The following NFIL3 variants were observed in gnomAD, a reference collection of about 807,000 sequenced individuals.
NFIL3 encodes nuclear factor interleukin-3-regulated protein.
NFIL3 carries 5 observed loss-of-function variants against 10.0 expected under a neutral mutation model. The observed-to-expected ratio is 0.50, with a 90% CI of 0.26 to 1.06. NFIL3 has a LOEUF of 1.06. Among genes scored for constraint, NFIL3 ranks in the 50% least tolerant of loss-of-function variants. NFIL3 has a pLI of 0.13. For synonymous variants in NFIL3, 202 were observed against 206.5 expected (o/e 0.98, Z 0.19); for missense variants, 436 against 547.6 (o/e 0.80, Z 2.03).
the NFIL3 span, among the ~76,000 whole-genome samples, chr9:91,429,598 T>C: frequency 6.6e-6 from 1 of 151,876 alleles, no homozygotes; most frequent in Non-Finnish European, 1.5e-5. Context: ...GTGAATGCTC[T>C]CCGTTTGGTA....
the NFIL3 span, among the ~76,000 whole-genome samples, chr9:91,469,251 T>C: frequency 6.6e-6 from 1 of 152,342 alleles, no homozygotes; most frequent in Non-Finnish European, 1.5e-5. Context: ...TTCATGTCCC[T>C]TGTAAGTTGG....
At chr9:91,463,231 T>G in the NFIL3 span, among the ~76,000 whole-genome samples, 1 of 151,762 alleles carries the variant, frequency 6.6e-6, no homozygotes. Flanking sequence ...CAGTTTGCTC[T>G]AGGCTTAAAT....
chr9:91,458,728 G>T, the NFIL3 span, among the ~76,000 whole-genome samples: 1 of 151,964 alleles, frequency 6.6e-6, no homozygotes, highest in African/African-American at 2.4e-5. Flanking sequence ...ATTTAATGTT[G>T]TTCTATCAAA....
chr9:91,429,434 C>T, the NFIL3 span, among the ~76,000 whole-genome samples: 2 of 152,186 alleles, frequency 1.3e-5, no homozygotes, highest in Non-Finnish European at 2.9e-5. Flanking sequence ...TGCAGCAAAG[C>T]AGCTATGGCA....
the NFIL3 span, among the ~76,000 whole-genome samples, chr9:91,455,133 A>G: frequency 6.6e-6 from 1 of 152,196 alleles, no homozygotes; most frequent in Non-Finnish European, 1.5e-5. Context: ...TCATTTGGGT[A>G]AGGTAGTATC....
At chr9:91,448,461 C>G in the NFIL3 span, among the ~76,000 whole-genome samples, 1 of 152,256 alleles carries the variant, frequency 6.6e-6, no homozygotes, top group East Asian at 1.9e-4. Context: ...GGAACTAATC[C>G]AATCCTGTGA....
At chr9:91,412,117 A>C (rs1833563694) in intron 1 of NFIL3, among the ~76,000 whole-genome samples, 1 of 150,510 alleles carries the variant, frequency 6.6e-6, no homozygotes, top group Non-Finnish European at 1.5e-5. Context: ...AAAAAAAAAA[A>C]AAAAAACCCC....
intron 1 of NFIL3, among the ~76,000 whole-genome samples, chr9:91,420,392 G>C (rs908418370): frequency 1.4e-4 from 19 of 133,528 alleles, no homozygotes; most frequent in African/African-American, 4.7e-4. Flanking sequence ...CACACACACA[G>C]ATTCTGGTTC....
chr9:91,481,053 T>A, the NFIL3 span, among the ~76,000 whole-genome samples: 1 of 152,212 alleles, frequency 6.6e-6, no homozygotes, highest in African/African-American at 2.4e-5. Flanking sequence ...TTGGTTAGTT[T>A]AAAATATTTC....
the NFIL3 span, among the ~76,000 whole-genome samples, chr9:91,468,476 A>G: frequency 6.6e-6 from 1 of 152,140 alleles, no homozygotes; most frequent in African/African-American, 2.4e-5. Context: ...ATTTTCTCCC[A>G]TTCTGTAGGT....
chr9:91,433,230 A>G, the NFIL3 span, among the ~76,000 whole-genome samples: 1 of 152,242 alleles, frequency 6.6e-6, no homozygotes, highest in African/African-American at 2.4e-5. Context: ...TATGGGAATC[A>G]TTTGTAATAG....
upstream of NFIL3, among the ~76,000 whole-genome samples, chr9:91,428,771 C>T (rs1044452274): frequency 1.3e-5 from 2 of 152,190 alleles, no homozygotes; most frequent in African/African-American, 4.8e-5. Context: ...GTTGCAAGTA[C>T]ACTATTACAA....
Position 91,410,633 on chromosome 9 carries a change from T to G in NFIL3, c.102A>C (p.Glu34Asp), listed in dbSNP as rs1165490017. The G allele has an allele frequency of 6.2e-7, 1 of 1,614,244 alleles. No individual in the cohort carries two copies. The highest frequency in any genetic ancestry group is 8.5e-7 in the Non-Finnish European group (1 of 1,180,046). The change falls in exon 2 of 2, where the codon GAA becomes GAC. Residue 34 changes from glutamate to aspartate, a missense_variant. Coordinates refer to ENST00000297689, the MANE Select transcript of NFIL3 (RefSeq NM_005384.3). The surrounding 1 kb of genome is among the most constrained non-coding windows in gnomAD (Gnocchi z 5.7). The stretch of plus-strand genomic sequence containing the variant: ...CACCTGTTGTGGAGTCTTCTGACAC[T>G]TCCGTTAAAGCAGAATTAAGGACCA... ...KMMVLNSALT[E>D]VSEDSTTGEE...
chr9:91,436,581 A>C, the NFIL3 span, among the ~76,000 whole-genome samples: 1 of 99,614 alleles, frequency 1.0e-5, no homozygotes, highest in Non-Finnish European at 2.1e-5. Flanking sequence ...CTGCCTCAAC[A>C]ACAACAACAA....
chr9:91,418,984 G>A (rs1833709951), intron 1 of NFIL3, among the ~76,000 whole-genome samples: 1 of 151,898 alleles, frequency 6.6e-6, no homozygotes, highest in African/African-American at 2.4e-5. Flanking sequence ...AAAGGTCAAC[G>A]TCTTTCAACA....
chr9:91,447,350 G>T, the NFIL3 span, among the ~76,000 whole-genome samples: 2 of 152,178 alleles, frequency 1.3e-5, no homozygotes, highest in South Asian at 4.1e-4. Context: ...GAGATTGCTA[G>T]TAGTGGAATT....
the NFIL3 span, among the ~76,000 whole-genome samples, chr9:91,456,022 A>T: frequency 6.6e-6 from 1 of 152,208 alleles, no homozygotes. Context: ...AATTTCATGT[A>T]AGGGAAACCA....
the NFIL3 span, among the ~76,000 whole-genome samples, chr9:91,480,227 C>G: frequency 6.6e-6 from 1 of 151,364 alleles, no homozygotes; most frequent in Non-Finnish European, 1.5e-5. Flanking sequence ...ACTGCCTCTT[C>G]ATTCTTTTTA....
At chr9:91,478,907 C>CTGCAG in the NFIL3 span, among the ~76,000 whole-genome samples, 1 of 152,192 alleles carries the variant, frequency 6.6e-6, no homozygotes, top group Non-Finnish European at 1.5e-5. Context: ...GGAGCCTCTG[C>CTGCAG]TGCAGGTCTG....
Sources: allele counts gnomAD v4.1 joint callset (sites outside exome capture counted in the v4.1 genomes callset), GRCh38; gene constraint gnomAD v4.1.1; non-coding constraint Gnocchi (gnomAD v3.1); transcripts MANE v1.5; gene names NCBI Gene and HGNC (gene_info 2026-07-23, HGNC 2026-07-21).